Variants in SOS1 observed in about 807,000 individuals in gnomAD.
SOS1 encodes the protein SOS Ras/Rac guanine nucleotide exchange factor 1.
In SOS1, 25 loss-of-function variants were observed where a neutral mutation model predicts 157.6. The observed-to-expected ratio is 0.16, with a 90% CI of 0.12 to 0.22. SOS1 has a LOEUF of 0.22. Among genes scored for constraint, SOS1 ranks in the 10% least tolerant of loss-of-function variants. The pLI is 1.00. For missense variants in SOS1, 1,237 were observed against 1,599.1 expected, an observed-to-expected ratio of 0.77 and a Z score of 3.86; for synonymous variants, 528 against 534.0, an observed-to-expected ratio of 0.99 and a Z score of 0.16.
intron 1 of SOS1, among the ~76,000 whole-genome samples, chr2:39,071,436 A>G (rs1464302115): frequency 6.6e-6 from 1 of 152,212 alleles, no homozygotes; most frequent in African/African-American, 2.4e-5. Context: ...TCATAAATAC[A>G]ACTACAGTCC....
rs193223219 is a variant in SOS1, at chr2:38,986,448, T to C, written c.3511-133A>G. 1.1e-3 allele frequency: 1,031 copies of C among 899,278 alleles called. 10 individuals are homozygous for C. In the African/African-American group the frequency reaches 0.016, roughly 14 times the overall value. The allele number at this position is 899,278 out of a possible 1,614,324, so 55.7% of individuals were successfully genotyped here. A position where few individuals can be genotyped will look rare whatever the true frequency, so the allele number is the denominator to read the frequency against. ...GTGTGGAACAGGGAGTTTTGCCATA[T>C]GTTTTCTTTTTAATTAAAAAAAAAT... On this transcript the variant is annotated intron_variant, in intron 22 of 22. Transcript: ENST00000402219.
intron 13 of SOS1, 128 bp downstream of exon 13, chr2:39,013,332 T>C: frequency 1.4e-6 from 1 of 694,444 alleles, no homozygotes. Flanking sequence ...TTTTTAACTT[T>C]TTGAAATGGT....
rs140592209 is a variant in SOS1 at position 39,066,365 on chromosome 2, G to T, written c.213+1263C>A. ...AAAAGCAAAGTCACAGAAACCCAAA[G>T]ATTTGAAGTACTGTACACTTGAAGT... On this transcript the variant is annotated intron_variant, in intron 2 of 22. Coordinates refer to ENST00000402219, the MANE Select transcript of SOS1 (RefSeq NM_005633.4). 3.3e-5 allele frequency among the ~76,000 whole-genome samples: 5 copies of T among 152,284 alleles called. No individual in the cohort carries two copies. The East Asian group carries it at 7.7e-4, about 24-fold the overall frequency.
At chr2:39,054,545 T>C in intron 5 of SOS1, 69 bp downstream of exon 5, 1 of 908,972 alleles carries the variant, frequency 1.1e-6, no homozygotes, top group Non-Finnish European at 1.8e-6. Flanking sequence ...CTGTACAACT[T>C]CAAATTTGAA....
At chr2:39,106,172 A>G (rs1008398012) in intron 1 of SOS1, among the ~76,000 whole-genome samples, 1 of 121,834 alleles carries the variant, frequency 8.2e-6, no homozygotes, top group Non-Finnish European at 1.7e-5. Context: ...GTGAGCTGAG[A>G]CTGTGCTACT....
rs944667018 is a variant in SOS1, at chr2:38,985,069, A to G, written c.*755T>C. ...ATAGTTGACAGTTATTTTTTTTTAA[A>G]AAGTTCTTCTGTCATGTTAATGACA... On this transcript the variant is annotated 3_prime_UTR_variant, in exon 23 of 23. Coordinates refer to ENST00000402219, the MANE Select transcript of SOS1 (RefSeq NM_005633.4). 6.6e-6 allele frequency: 1 copy of G among 152,172 alleles called. No individual in the cohort carries two copies. Among genetic ancestry groups the G allele is most frequent in the Non-Finnish European group, 1.5e-5 (1 of 68,030 alleles). 9.4% of individuals were successfully genotyped at this position (152,172 alleles called of 1,614,324 possible).
At chr2:39,118,136 G>T (rs1156774063) in intron 1 of SOS1, among the ~76,000 whole-genome samples, 1 of 152,130 alleles carries the variant, frequency 6.6e-6, no homozygotes, top group Non-Finnish European at 1.5e-5. Flanking sequence ...GAAAACAAAG[G>T]AGTAATATCC....
intron 1 of SOS1, among the ~76,000 whole-genome samples, chr2:39,116,497 T>C (rs1673655687): frequency 1.3e-5 from 2 of 152,236 alleles, no homozygotes; most frequent in African/African-American, 2.4e-5. Context: ...TCACTTTACG[T>C]CTCATTCTTC....
intron 1 of SOS1, among the ~76,000 whole-genome samples, chr2:39,101,714 A>T (rs1160896996): frequency 6.6e-6 from 1 of 152,098 alleles, no homozygotes; most frequent in Non-Finnish European, 1.5e-5. Context: ...ACTTCAGAAT[A>T]ATTTTTTGCT....
At chr2:39,058,034 T>C (rs7594802) in intron 3 of SOS1, among the ~76,000 whole-genome samples, 3,649 of 152,204 alleles carry the variant, frequency 0.024, 141 homozygotes, top group African/African-American at 0.081. Flanking sequence ...TATTAGCATT[T>C]TGTCTGTATT....
At chr2:39,048,335 G>GA (rs1334665675) in intron 6 of SOS1, among the ~76,000 whole-genome samples, 1 of 152,088 alleles carries the variant, frequency 6.6e-6, no homozygotes, top group Non-Finnish European at 1.5e-5. Flanking sequence ...TTGTTAAAGA[G>GA]AAACGTGCTG....
At chr2:39,068,472 A>G (rs1671667492) in intron 1 of SOS1, among the ~76,000 whole-genome samples, 1 of 152,192 alleles carries the variant, frequency 6.6e-6, no homozygotes, top group African/African-American at 2.4e-5. Context: ...TTCCTAATAA[A>G]TGATAAAATC....
chr2:39,090,067 G>A (rs1458027640), intron 1 of SOS1, among the ~76,000 whole-genome samples: 35 of 151,362 alleles, frequency 2.3e-4, no homozygotes, highest in Non-Finnish European at 1.8e-4. Flanking sequence ...TTAAGCCTGG[G>A]AGGCAGAGGT....
At chr2:38,989,204 G>A in intron 21 of SOS1, 66 bp downstream of exon 21, 1 of 1,096,954 alleles carries the variant, frequency 9.1e-7, no homozygotes, top group East Asian at 2.4e-5. Context: ...TAGCAGGAAA[G>A]GTTACACTTG....
At chr2:39,081,258 G>A (rs1201579608) in intron 1 of SOS1, among the ~76,000 whole-genome samples, 1 of 152,178 alleles carries the variant, frequency 6.6e-6, no homozygotes, top group Non-Finnish European at 1.5e-5. Flanking sequence ...GGTGGTTCAG[G>A]CCTGTAATCC....
chr2:39,110,043 T>C (rs201296938), intron 1 of SOS1, among the ~76,000 whole-genome samples: 9,856 of 142,964 alleles, frequency 0.069, 431 homozygotes, highest in East Asian at 0.19. Context: ...TGTGTGCGTG[T>C]GTGTGTGTGT....
intron 15 of SOS1, chr2:39,007,429 T>G: frequency 2.0e-6 from 1 of 502,210 alleles, no homozygotes; most frequent in Non-Finnish European, 3.6e-6. Flanking sequence ...CCTACTATAT[T>G]TGGTGCATCC....
intron 17 of SOS1, among the ~76,000 whole-genome samples, chr2:39,004,103 G>A (rs888384004): frequency 5.3e-5 from 8 of 152,128 alleles, no homozygotes; most frequent in African/African-American, 1.4e-4. Flanking sequence ...AAGTCAGTGA[G>A]ATACAATACA....
chr2:39,120,190 G>C, intron 1 of SOS1, 146 bp downstream of exon 1: 1 of 627,530 alleles, frequency 1.6e-6, no homozygotes, highest in South Asian at 2.7e-5. Context: ...CGTATGAGGG[G>C]GGCCTCTCCG....
Sources: gnomAD v4.1 joint callset for allele counts (sites outside exome capture counted in the v4.1 genomes callset) on GRCh38, gnomAD v4.1.1 for gene constraint, MANE v1.5 for transcripts, NCBI Gene and HGNC (gene_info 2026-07-23, HGNC 2026-07-21) for gene names.